The following ATRNL1 variants were observed in gnomAD, a reference collection of about 807,000 sequenced individuals.
ATRNL1 encodes the protein attractin-like protein 1.
Under a neutral mutation model 182.7 loss-of-function variants are expected in ATRNL1, and 95 were observed. The observed-to-expected ratio is 0.52, with a 90% CI of 0.44 to 0.62. The LOEUF (loss-of-function observed/expected upper bound fraction) is 0.62. Among genes scored for constraint, ATRNL1 ranks in the 20% least tolerant of loss-of-function variants. ATRNL1 has a pLI of 0.00. For missense variants in ATRNL1, 1,471 were observed against 1,679.5 expected (o/e 0.88, Z 2.17); for synonymous variants, 576 against 568.3 (o/e 1.01, Z -0.19).
chr10:115,118,680 A>G (rs1221498848), intron 1 of ATRNL1, among the ~76,000 whole-genome samples: 10 of 152,266 alleles, frequency 6.6e-5, no homozygotes, highest in African/African-American at 2.4e-4. Context: ...TCTCCCCTTG[A>G]GGCTACTAAA....
At chr10:115,580,329 A>T (rs1005853693) in intron 26 of ATRNL1, among the ~76,000 whole-genome samples, 1 of 152,048 alleles carries the variant, frequency 6.6e-6, no homozygotes, top group Non-Finnish European at 1.5e-5. Flanking sequence ...TGTCTGTAGA[A>T]GTCTTTATCT....
chr10:115,567,914 T>A (rs1435911582), intron 26 of ATRNL1, among the ~76,000 whole-genome samples: 2 of 152,144 alleles, frequency 1.3e-5, no homozygotes, highest in Admixed American at 1.3e-4. Flanking sequence ...ACCTGTATAG[T>A]TTTGCTACCT....
chr10:115,930,132 A>G (rs567460308), intron 28 of ATRNL1, among the ~76,000 whole-genome samples: 2 of 152,274 alleles, frequency 1.3e-5, no homozygotes, highest in African/African-American at 4.8e-5. Context: ...GGTGCTTTGT[A>G]TTTTAACATT....
chr10:115,752,789 C>T (rs1036906662), intron 27 of ATRNL1, among the ~76,000 whole-genome samples: 3 of 152,028 alleles, frequency 2.0e-5, no homozygotes, highest in Admixed American at 6.6e-5. Flanking sequence ...TTATTTTGTA[C>T]TTATACTGTC....
intron 28 of ATRNL1, among the ~76,000 whole-genome samples, chr10:115,916,047 A>C (rs1952839174): frequency 6.6e-6 from 1 of 152,276 alleles, no homozygotes; most frequent in Admixed American, 6.5e-5. Context: ...TGTTCAAAGC[A>C]AAGCATCATT....
chr10:115,353,899 T>G (rs1328806987), intron 19 of ATRNL1, among the ~76,000 whole-genome samples: 1 of 152,232 alleles, frequency 6.6e-6, no homozygotes, highest in Non-Finnish European at 1.5e-5. Flanking sequence ...CTCCTACTTT[T>G]TGACTTTTTG....
intron 26 of ATRNL1, among the ~76,000 whole-genome samples, chr10:115,603,079 C>T (rs1431322503): frequency 6.6e-6 from 1 of 152,060 alleles, no homozygotes. Flanking sequence ...TGCCACTCTC[C>T]CAGCACGTGG....
intron 5 of ATRNL1, among the ~76,000 whole-genome samples, chr10:115,158,431 C>T (rs1436397086): frequency 6.6e-6 from 1 of 151,934 alleles, no homozygotes; most frequent in Non-Finnish European, 1.5e-5. Flanking sequence ...TTCTAAGTTA[C>T]TGTAATTAAA....
intron 26 of ATRNL1, among the ~76,000 whole-genome samples, chr10:115,623,098 A>G (rs1857878062): frequency 6.6e-6 from 1 of 152,196 alleles, no homozygotes; most frequent in Non-Finnish European, 1.5e-5. Context: ...AGTAAATGAT[A>G]GGTCAAGCAT....
At chr10:115,590,808 A>C (rs555657951) in intron 26 of ATRNL1, among the ~76,000 whole-genome samples, 1 of 152,332 alleles carries the variant, frequency 6.6e-6, no homozygotes, top group South Asian at 2.1e-4. Context: ...ATGGACACAT[A>C]TAGTAGTCCC....
chr10:115,570,864 A>G (rs987256327), intron 26 of ATRNL1, among the ~76,000 whole-genome samples: 7 of 152,196 alleles, frequency 4.6e-5, no homozygotes, highest in Admixed American at 2.0e-4. Context: ...AGTGACCTCA[A>G]CTGAGCCCTC....
At chr10:115,619,444 C>T (rs189107329) in intron 26 of ATRNL1, among the ~76,000 whole-genome samples, 39 of 150,956 alleles carry the variant, frequency 2.6e-4, no homozygotes, top group Middle Eastern at 3.4e-3. Flanking sequence ...AGGCCCCTGG[C>T]GAGTACACAT....
intron 21 of ATRNL1, among the ~76,000 whole-genome samples, chr10:115,455,673 G>T (rs1847489174): frequency 1.3e-5 from 2 of 152,108 alleles, no homozygotes; most frequent in African/African-American, 2.4e-5. Flanking sequence ...CACAGCAAAA[G>T]AAACTATCAC....
chr10:115,655,287 A>G (rs543192735), intron 26 of ATRNL1, among the ~76,000 whole-genome samples: 4 of 152,330 alleles, frequency 2.6e-5, no homozygotes, highest in African/African-American at 9.6e-5. Context: ...AAATAAGGAA[A>G]TTTAACATAG....
intron 28 of ATRNL1, among the ~76,000 whole-genome samples, chr10:115,910,186 G>A (rs1555115546): frequency 6.6e-6 from 1 of 152,172 alleles, no homozygotes. Context: ...TATGGAGGAA[G>A]AATGACTAGA....
intron 26 of ATRNL1, among the ~76,000 whole-genome samples, chr10:115,644,619 G>A (rs940740227): frequency 2.0e-5 from 3 of 152,100 alleles, no homozygotes; most frequent in South Asian, 2.1e-4. Context: ...TTTGCTAGAC[G>A]TTAAAGATAA....
chr10:115,718,945 C>A (rs1481749434), intron 26 of ATRNL1, among the ~76,000 whole-genome samples: 2 of 152,060 alleles, frequency 1.3e-5, no homozygotes, highest in South Asian at 2.1e-4. Context: ...AAAAGAGTCA[C>A]CCCATACATC....
At position 115,584,875 on chromosome 10, in the gene ATRNL1, T is replaced by A. The variant is rs1855409942; in HGVS notation, c.3795+35339T>A. On this transcript the variant is annotated intron_variant, in intron 26 of 28. Coordinates refer to ENST00000355044, the MANE Select transcript of ATRNL1 (RefSeq NM_207303.4). ...ATTTTGGATCTTTCCTGCTTCCTCT[T>A]GTGGGCATTTAGTGCTATAAATTTC... is the stretch of plus-strand genomic sequence containing the variant. Among the ~76,000 whole-genome samples the A allele has an allele frequency of 2.0e-5, 3 of 151,446 alleles. No homozygotes were observed. The South Asian group carries it at 6.3e-4, about 32-fold the overall frequency.
intron 27 of ATRNL1, among the ~76,000 whole-genome samples, chr10:115,805,698 G>A (rs1949905838): frequency 6.6e-6 from 1 of 152,072 alleles, no homozygotes; most frequent in Admixed American, 6.6e-5. Flanking sequence ...GGGTTATGGG[G>A]AAGATAATAC....
Sources: allele counts gnomAD v4.1 joint callset (sites outside exome capture counted in the v4.1 genomes callset), GRCh38; gene constraint gnomAD v4.1.1; transcripts MANE v1.5; gene names NCBI Gene and HGNC (gene_info 2026-07-23, HGNC 2026-07-21).